Variants in VPS41 observed in about 807,000 individuals in gnomAD.
The protein encoded by VPS41 is VPS41 subunit of HOPS complex, also known as vacuolar protein sorting-associated protein 41 homolog.
A neutral mutation model predicts 130.9 loss-of-function variants in VPS41; 85 were observed. The ratio of observed to expected loss-of-function variants is 0.65; its 90% confidence interval spans 0.55 to 0.78. The LOEUF is 0.78. VPS41 is among the 30% of genes least tolerant of loss of function. VPS41 has a pLI of 0.00. For missense variants in VPS41, 874 were observed against 1,018.7 expected (o/e 0.86, Z 1.93); for synonymous variants, 335 against 332.9 (o/e 1.01, Z -0.07).
rs1438495449 is a variant in VPS41 at position 38,828,190 on chromosome 7, G to T, written c.321+2064C>A. Among the ~76,000 whole-genome samples, 4 of 152,114 alleles carry T rather than the reference G, an allele frequency of 2.6e-5. No homozygotes were observed. The East Asian group carries it at 7.7e-4, about 29-fold the overall frequency. On this transcript the variant is annotated intron_variant, in intron 5 of 28. Coordinates refer to ENST00000310301, the MANE Select transcript of VPS41 (RefSeq NM_014396.4). ...AGAAATCCCAAAATAAACCTTGTAT[G>T]TACTTATCCTAAAAGTTTTCTAGAA...
At chr7:38,824,822 GA>G (rs1370657874) in intron 5 of VPS41, among the ~76,000 whole-genome samples, 1 of 151,948 alleles carries the variant, frequency 6.6e-6, no homozygotes, top group East Asian at 1.9e-4. Flanking sequence ...AGAAATTTTA[GA>G]AAAAAAGTGA....
At chr7:38,807,841 G>A (rs1349226024) in intron 7 of VPS41, among the ~76,000 whole-genome samples, 1 of 152,130 alleles carries the variant, frequency 6.6e-6, no homozygotes, top group Non-Finnish European at 1.5e-5. Flanking sequence ...AATATCTAAT[G>A]AACACCTCTG....
intron 15 of VPS41, among the ~76,000 whole-genome samples, chr7:38,767,063 C>T (rs2115812526): frequency 6.6e-6 from 1 of 152,296 alleles, no homozygotes; most frequent in South Asian, 2.1e-4. Flanking sequence ...CCCTCTGTTG[C>T]ATTGTGGGAA....
At chr7:38,908,964 T>TGTCAGA in intron 1 of VPS41, among the ~76,000 whole-genome samples, 190 bp downstream of exon 1, 1 of 152,150 alleles carries the variant, frequency 6.6e-6, no homozygotes, top group Non-Finnish European at 1.5e-5. Flanking sequence ...TTTCCCTAGG[T>TGTCAGA]GCCCTCCCGG....
At chr7:38,772,095 C>T (rs1370597448) in intron 13 of VPS41, among the ~76,000 whole-genome samples, 1 of 151,786 alleles carries the variant, frequency 6.6e-6, no homozygotes, top group African/African-American at 2.4e-5. Flanking sequence ...TAATCTAAGC[C>T]AAACCTCAAT....
intron 9 of VPS41, among the ~76,000 whole-genome samples, chr7:38,793,645 G>C (rs1047057075): frequency 6.6e-6 from 1 of 152,084 alleles, no homozygotes; most frequent in African/African-American, 2.4e-5. Flanking sequence ...AGTTCCGCAG[G>C]CTACAAGTCT....
Position 38,797,780 on chromosome 7 carries a change from CAG to C in VPS41, c.451-918_451-917del, listed in dbSNP as rs1584400935. Among the ~76,000 whole-genome samples the C allele has an allele frequency of 3.3e-5, 5 of 152,280 alleles. No homozygotes were observed. The South Asian group carries it at 1.0e-3, about 32-fold the overall frequency. On this transcript the variant is annotated intron_variant, in intron 7 of 28. Coordinates refer to ENST00000310301, the MANE Select transcript of VPS41 (RefSeq NM_014396.4). ...AAAAGAGGCAGGGGAAACAGGTTAA[CAG>C]GGGAAAGAGAGTAAATTCACATTTT...
chr7:38,770,865 CCT>C (rs1373929158), intron 14 of VPS41, among the ~76,000 whole-genome samples: 1 of 152,116 alleles, frequency 6.6e-6, no homozygotes, highest in Non-Finnish European at 1.5e-5. Context: ...TTTTAGGAAA[CCT>C]CTCTTTTTTT....
At chr7:38,727,408 G>A (rs757161660) in intron 27 of VPS41, among the ~76,000 whole-genome samples, 2 of 152,204 alleles carry the variant, frequency 1.3e-5, no homozygotes, top group Non-Finnish European at 2.9e-5. Context: ...TGGGTTACAA[G>A]CCCAGGCTGT....
At chr7:38,838,861 TTTTAA>T (rs1785548032) in intron 4 of VPS41, among the ~76,000 whole-genome samples, 2 of 152,334 alleles carry the variant, frequency 1.3e-5, no homozygotes, top group South Asian at 2.1e-4. Context: ...CGAAAGCTGC[TTTTAA>T]TGGTGTTCTT....
At chr7:38,888,126 G>A (rs1584447014) in intron 2 of VPS41, among the ~76,000 whole-genome samples, 1 of 152,120 alleles carries the variant, frequency 6.6e-6, no homozygotes, top group African/African-American at 2.4e-5. Context: ...ATCAATTAAC[G>A]GGGGAAATAA....
At chr7:38,799,241 G>T (rs753116081) in intron 7 of VPS41, among the ~76,000 whole-genome samples, 1 of 151,942 alleles carries the variant, frequency 6.6e-6, no homozygotes, top group Non-Finnish European at 1.5e-5. Context: ...AAAAACAAAA[G>T]AACTTAAAAG....
intron 4 of VPS41, among the ~76,000 whole-genome samples, chr7:38,845,805 G>A (rs1330786548): frequency 6.6e-6 from 1 of 152,144 alleles, no homozygotes; most frequent in African/African-American, 2.4e-5. Context: ...TGATACCCCT[G>A]TGAAACAATC....
At chr7:38,894,967 T>C (rs2116428195) in intron 2 of VPS41, among the ~76,000 whole-genome samples, 1 of 152,348 alleles carries the variant, frequency 6.6e-6, no homozygotes, top group South Asian at 2.1e-4. Flanking sequence ...CCAAGTCTCA[T>C]TCCCTAACTT....
At chr7:38,786,824 C>A (rs1157002668) in intron 10 of VPS41, among the ~76,000 whole-genome samples, 1 of 152,030 alleles carries the variant, frequency 6.6e-6, no homozygotes, top group East Asian at 1.9e-4. Context: ...CACTCCTGGG[C>A]ACACACACAC....
At chr7:38,904,617 C>G (rs1344948607) in intron 1 of VPS41, among the ~76,000 whole-genome samples, 3 of 152,186 alleles carry the variant, frequency 2.0e-5, no homozygotes, top group African/African-American at 7.2e-5. Flanking sequence ...TTTATATTCA[C>G]AAAAGTTTTA....
At chr7:38,850,333 T>C (rs996055874) in intron 4 of VPS41, among the ~76,000 whole-genome samples, 7 of 152,252 alleles carry the variant, frequency 4.6e-5, no homozygotes, top group African/African-American at 1.7e-4. Context: ...TTTGATGTTC[T>C]TCTGAGAAGC....
intron 22 of VPS41, among the ~76,000 whole-genome samples, chr7:38,746,344 G>T (rs1056365383): frequency 1.3e-5 from 2 of 151,960 alleles, no homozygotes; most frequent in African/African-American, 4.8e-5. Context: ...TCTCTGTGCT[G>T]GGTGCTAGAG....
chr7:38,835,528 A>C (rs1453600108), intron 4 of VPS41, among the ~76,000 whole-genome samples: 1 of 151,936 alleles, frequency 6.6e-6, no homozygotes, highest in Non-Finnish European at 1.5e-5. Flanking sequence ...TTATTAATAA[A>C]GTCTAGTGTG....
Sources: gnomAD v4.1 joint callset for allele counts (sites outside exome capture counted in the v4.1 genomes callset) on GRCh38, gnomAD v4.1.1 for gene constraint, MANE v1.5 for transcripts, NCBI Gene and HGNC (gene_info 2026-07-23, HGNC 2026-07-21) for gene names.